The following RBMS2 variants were observed in gnomAD, a reference collection of about 807,000 sequenced individuals.
The protein encoded by RBMS2 is RNA binding motif single stranded interacting protein 2, also known as RNA-binding motif, single-stranded-interacting protein 2.
A neutral mutation model predicts 58.4 loss-of-function variants in RBMS2; 38 were observed. The ratio of observed to expected loss-of-function variants is 0.65; its 90% CI spans 0.50 to 0.85. The LOEUF (loss-of-function observed/expected upper bound fraction) is 0.85. Ranked by LOEUF, RBMS2 falls within the 40% of genes least tolerant of loss-of-function variation. RBMS2 has a pLI of 0.00. For missense variants in RBMS2, 367 were observed against 503.7 expected, an observed-to-expected ratio of 0.73 and a Z score of 2.60; for synonymous variants, 151 against 180.7, an observed-to-expected ratio of 0.84 and a Z score of 1.32.
intron 5 of RBMS2, among the ~76,000 whole-genome samples, chr12:56,574,698 A>G (rs1254889856): frequency 3.3e-5 from 5 of 152,238 alleles, no homozygotes; most frequent in Non-Finnish European, 5.9e-5. Context: ...GTTAATGTCT[A>G]CAAGTTTTCT....
chr12:56,559,475 C>T (rs918385493), intron 1 of RBMS2, among the ~76,000 whole-genome samples: 13 of 151,312 alleles, frequency 8.6e-5, no homozygotes, highest in South Asian at 2.1e-4. Context: ...CGTGAGCCAC[C>T]GTGCCCGGCC....
At position 56,588,802 on chromosome 12, in the gene RBMS2, TCA is replaced by T; in HGVS notation, c.1144-125_1144-124del. 5 of 801,272 alleles carry T rather than the reference TCA, an allele frequency of 6.2e-6. No homozygotes were observed. In the East Asian group the frequency reaches 1.2e-4, roughly 20 times the overall value. 49.6% of individuals were successfully genotyped at this position (801,272 alleles called of 1,614,324 possible). A position where few individuals can be genotyped will look rare whatever the true frequency, so the allele number is the denominator to read the frequency against. ...GAAGTGGTGGTGTGGGTGGAAACAC[TCA>T]CACATGAGTGTGGAGAGTGGGTAGG... On this transcript the variant is annotated intron_variant, in intron 12 of 13. Transcript: ENST00000262031.
chr12:56,560,610 G>A (rs1228476572), intron 1 of RBMS2, among the ~76,000 whole-genome samples: 1 of 151,734 alleles, frequency 6.6e-6, no homozygotes, highest in Non-Finnish European at 1.5e-5. Context: ...GCCCAGGCTG[G>A]TCTCAAACTC....
At chr12:56,546,962 ATCTG>A (rs1207337690) in intron 1 of RBMS2, among the ~76,000 whole-genome samples, 4 of 152,146 alleles carry the variant, frequency 2.6e-5, no homozygotes, top group East Asian at 1.9e-4. Flanking sequence ...ACCAGAACTT[ATCTG>A]TCTTTTTTAT....
chr12:56,574,031 T>G (rs1241126197), intron 5 of RBMS2, among the ~76,000 whole-genome samples: 1 of 152,090 alleles, frequency 6.6e-6, no homozygotes. Flanking sequence ...AGTAAAGATG[T>G]GGTTTCACCA....
At chr12:56,577,320 A>G (rs1447182545) in intron 5 of RBMS2, among the ~76,000 whole-genome samples, 1 of 151,454 alleles carries the variant, frequency 6.6e-6, no homozygotes, top group Non-Finnish European at 1.5e-5. Flanking sequence ...CTGAGGCAGG[A>G]GAATCATTTG....
chr12:56,552,474 A>G (rs1878443792), intron 1 of RBMS2, among the ~76,000 whole-genome samples: 1 of 152,214 alleles, frequency 6.6e-6, no homozygotes, highest in Non-Finnish European at 1.5e-5. Flanking sequence ...TTCTATTCCC[A>G]GAAGCATCAC....
At chr12:56,555,223 T>C (rs1459188830) in intron 1 of RBMS2, among the ~76,000 whole-genome samples, 1 of 152,046 alleles carries the variant, frequency 6.6e-6, no homozygotes, top group Admixed American at 6.6e-5. Context: ...TGTTTTGTTT[T>C]TTTTTAATTG....
At chr12:56,583,671 A>C (rs1389565654) in intron 9 of RBMS2, among the ~76,000 whole-genome samples, 1 of 152,132 alleles carries the variant, frequency 6.6e-6, no homozygotes, top group Non-Finnish European at 1.5e-5. Flanking sequence ...AAAAACAAAA[A>C]AATTGTTCCT....
chr12:56,535,235 C>T (rs939284769), intron 1 of RBMS2, among the ~76,000 whole-genome samples: 1 of 152,116 alleles, frequency 6.6e-6, no homozygotes, highest in Non-Finnish European at 1.5e-5. Flanking sequence ...TAGCTCATGC[C>T]TGTAACCTCA....
chr12:56,537,110 G>A (rs1875044311), intron 1 of RBMS2, among the ~76,000 whole-genome samples: 1 of 151,700 alleles, frequency 6.6e-6, no homozygotes, highest in Admixed American at 6.6e-5. Context: ...TAGTAGAGAC[G>A]AGTTTTCACC....
intron 2 of RBMS2, among the ~76,000 whole-genome samples, chr12:56,566,430 T>C (rs1369148064): frequency 2.0e-5 from 3 of 152,216 alleles, no homozygotes; most frequent in Non-Finnish European, 4.4e-5. Flanking sequence ...GGAACGCTTC[T>C]AATATAATCC....
rs1441311205 is a variant in RBMS2, at chr12:56,582,283, A to G, written c.873+131A>G. ...CATATTACACACAATTTTACATAAC[A>G]GCGTAAAAGATGATCTGTGCATGTG... is the stretch of plus-strand genomic sequence containing the variant. On this transcript the variant is annotated intron_variant, in intron 9 of 13. Transcript: ENST00000262031. The G allele has an allele frequency of 1.7e-5, 13 of 767,250 alleles. No individual in the cohort carries two copies. In the East Asian group the frequency reaches 3.5e-4, roughly 20 times the overall value. 47.5% of individuals were successfully genotyped at this position (767,250 alleles called of 1,614,324 possible). A position where few individuals can be genotyped will look rare whatever the true frequency, so the allele number is the denominator to read the frequency against.
At chr12:56,556,024 G>A (rs994547849) in intron 1 of RBMS2, among the ~76,000 whole-genome samples, 9 of 150,608 alleles carry the variant, frequency 6.0e-5, no homozygotes, top group Non-Finnish European at 1.0e-4. Context: ...CAGCCTGGAA[G>A]ACAGAGCTAG....
intron 5 of RBMS2, 98 bp from the exon 6 acceptor site, chr12:56,581,086 T>C (rs111457955): frequency 2.0e-6 from 2 of 998,626 alleles, no homozygotes; most frequent in Non-Finnish European, 3.2e-6. Flanking sequence ...TTTGGAGCAG[T>C]TGTGGGGCTG....
intron 1 of RBMS2, among the ~76,000 whole-genome samples, chr12:56,547,087 C>T (rs544297079): frequency 1.3e-5 from 2 of 152,146 alleles, no homozygotes; most frequent in South Asian, 4.2e-4. Context: ...CGGTGGCTCA[C>T]ACCTGTAATC....
chr12:56,538,423 G>A (rs572503000), intron 1 of RBMS2, among the ~76,000 whole-genome samples: 1 of 144,968 alleles, frequency 6.9e-6, no homozygotes, highest in Admixed American at 6.9e-5. Flanking sequence ...ATTTTGATAT[G>A]GATTACACTG....
At position 56,594,304 on chromosome 12, in the gene RBMS2, T is replaced by C. The variant is rs1466463455; in HGVS notation, c.*5171T>C. 2 of 152,256 alleles carry C rather than the reference T, an allele frequency of 1.3e-5. No individual in the cohort carries two copies. The highest frequency in any genetic ancestry group is 4.8e-5 in the African/African-American group (2 of 41,474). 9.4% of individuals were successfully genotyped at this position (152,256 alleles called of 1,614,324 possible). The stretch of plus-strand genomic sequence containing the variant: ...GCACATGCCCCACCTTCTGGGCAAG[T>C]GGCAGCATTGCGCTCATGAGGGGCT... On this transcript the variant is annotated 3_prime_UTR_variant, in exon 14 of 14. Transcript: ENST00000262031.
At chr12:56,550,724 C>G (rs1239921145) in intron 1 of RBMS2, among the ~76,000 whole-genome samples, 1 of 151,768 alleles carries the variant, frequency 6.6e-6, no homozygotes, top group Non-Finnish European at 1.5e-5. Context: ...CATCTGTAAT[C>G]CCAGCTACTT....
Sources: allele counts gnomAD v4.1 joint callset (sites outside exome capture counted in the v4.1 genomes callset), GRCh38; gene constraint gnomAD v4.1.1; transcripts MANE v1.5; gene names NCBI Gene and HGNC (gene_info 2026-07-23, HGNC 2026-07-21).